NATD1: variants seen among roughly 807,000 people sequenced by gnomAD.
The protein encoded by NATD1 is protein NATD1.
A neutral mutation model predicts 12.0 loss-of-function variants in NATD1; 9 were observed. The observed-to-expected ratio is 0.75, with a 90% CI of 0.45 to 1.30. The LOEUF is 1.30. Among genes scored for constraint, NATD1 ranks in the 50% most tolerant of loss-of-function variants. The pLI, the probability that NATD1 is intolerant of heterozygous loss-of-function variation, is 0.00. For synonymous variants in NATD1, 71 were observed against 65.9 expected, an observed-to-expected ratio of 1.08 and a Z score of -0.37; for missense variants, 148 against 148.5, an observed-to-expected ratio of 1.00 and a Z score of 0.02.
chr17:21,243,728 C>T (rs1975300787), intron 2 of NATD1, among the ~76,000 whole-genome samples: 1 of 152,146 alleles, frequency 6.6e-6, no homozygotes, highest in Non-Finnish European at 1.5e-5. Context: ...GGCAGACGGC[C>T]CAGCTAAGTC....
chr17:21,244,106 C>A lies in NATD1; in HGVS notation c.225G>T (p.Lys75Asn). The A allele has an allele frequency of 1.2e-6, 2 of 1,610,570 alleles. No individual in the cohort carries two copies. Among genetic ancestry groups the A allele is most frequent in the Non-Finnish European group, 1.7e-6 (2 of 1,178,448 alleles). The change falls in exon 2 of 3, where the codon AAG becomes AAT. Residue 75 changes from lysine to asparagine, a missense_variant and splice_region_variant. Transcript: ENST00000611551. The surrounding 1 kb of genome is among the most constrained non-coding windows in gnomAD (Gnocchi z 5.2). ...RGRGIAKHLA[K>N]AALDFVVEED... ...TGGCCCTGCCACCTGCCTGCCCTAC[C>A]TTGGCAAGGTGCTTGGCGATGCCAC...
In NATD1 at chr17:21,244,259, C is replaced by A; in HGVS notation, c.107-35G>T. 2 of 1,571,254 alleles carry A rather than the reference C, an allele frequency of 1.3e-6. No homozygotes were observed. The highest frequency in any genetic ancestry group is 1.8e-5 in the Admixed American group (1 of 57,132). On this transcript the variant is annotated intron_variant, in intron 1 of 2. Transcript: ENST00000611551. The surrounding 1 kb of genome is among the most constrained non-coding windows in gnomAD (Gnocchi z 5.2). ...GTGGAGACAGGTAAGCCTATGCTGA[C>A]TCCCATCCCAGCGGACTCAGGCACC... is the stretch of plus-strand genomic sequence containing the variant.
chr17:21,243,282 G>T lies in NATD1; in HGVS notation c.*31C>A. 1.9e-6 allele frequency: 3 copies of T among 1,586,628 alleles called. No homozygotes were observed. The highest frequency in any genetic ancestry group is 1.7e-6 in the Non-Finnish European group (2 of 1,161,460). ...AGGCAAAGGCCACGTGGAAGAGTCC[G>T]GCAGGGAGCGCTCCCGCCTGCAGGC... On this transcript the variant is annotated 3_prime_UTR_variant, in exon 3 of 3. Transcript: ENST00000611551.
intron 1 of NATD1, among the ~76,000 whole-genome samples, chr17:21,248,805 C>G (rs1433890231): frequency 6.6e-6 from 1 of 152,302 alleles, no homozygotes; most frequent in South Asian, 2.1e-4. Flanking sequence ...TAGGGCAGGG[C>G]AGGGCCCTCA....
At chr17:21,247,433 G>A (rs914930605) in intron 1 of NATD1, among the ~76,000 whole-genome samples, 1 of 152,152 alleles carries the variant, frequency 6.6e-6, no homozygotes, top group Middle Eastern at 3.2e-3. Context: ...TGCAGCCCCA[G>A]CACAGGGCAG....
At chr17:21,248,188 C>A (rs903744859) in intron 1 of NATD1, among the ~76,000 whole-genome samples, 3 of 152,148 alleles carry the variant, frequency 2.0e-5, no homozygotes, top group African/African-American at 7.2e-5. Context: ...GACCTGAACC[C>A]CACCTTGGAG....
At chr17:21,248,767 T>TC (rs1423895464) in intron 1 of NATD1, among the ~76,000 whole-genome samples, 2 of 152,066 alleles carry the variant, frequency 1.3e-5, no homozygotes, top group East Asian at 3.9e-4. Flanking sequence ...GGGCAAGACT[T>TC]GTCACTTGGG....
At position 21,243,192 on chromosome 17, in the gene NATD1, G is replaced by T; in HGVS notation, c.*121C>A. 4 of 721,604 alleles carry T rather than the reference G, an allele frequency of 5.5e-6. No individual in the cohort carries two copies. The highest frequency in any genetic ancestry group is 2.7e-5 in the Admixed American group (1 of 37,162). 44.7% of individuals were successfully genotyped at this position (721,604 alleles called of 1,614,324 possible). A position where few individuals can be genotyped will look rare whatever the true frequency, so the allele number is the denominator to read the frequency against. On this transcript the variant is annotated 3_prime_UTR_variant, in exon 3 of 3. Coordinates refer to ENST00000611551, the MANE Select transcript of NATD1 (RefSeq NM_152914.3). Reference sequence around the variant, plus strand: ...ATCTGGACGTGGGGCACAGATGAGTGTCCTTACAAAAATAACTCTGAGTCT... The same window carrying T: ...ATCTGGACGTGGGGCACAGATGAGTTTCCTTACAAAAATAACTCTGAGTCT...
chr17:21,250,940 T>C (rs921013585), intron 1 of NATD1, among the ~76,000 whole-genome samples: 4 of 152,104 alleles, frequency 2.6e-5, no homozygotes, highest in Admixed American at 2.0e-4. Flanking sequence ...GCCTTACAGG[T>C]CGGGAATGAC....
chr17:21,246,349 A>C (rs1230264090), intron 1 of NATD1, among the ~76,000 whole-genome samples: 1 of 152,016 alleles, frequency 6.6e-6, no homozygotes, highest in African/African-American at 2.4e-5. Context: ...CCCCATCTCT[A>C]CTAAAGATAC....
intron 1 of NATD1, among the ~76,000 whole-genome samples, chr17:21,246,280 G>A (rs367862968): frequency 7.2e-4 from 109 of 152,248 alleles, no homozygotes; most frequent in African/African-American, 2.5e-3. Context: ...TTGGGAGGCC[G>A]AGGTGGGTGG....
chr17:21,251,308 A>C (rs1041615324), intron 1 of NATD1, among the ~76,000 whole-genome samples: 41 of 152,000 alleles, frequency 2.7e-4, no homozygotes, highest in East Asian at 1.9e-3. Context: ...AAAAAAAAAA[A>C]AAACAAACGT....
chr17:21,253,076 G>A, intron 1 of NATD1, 83 bp downstream of exon 1: 2 of 678,414 alleles, frequency 2.9e-6, no homozygotes, highest in Non-Finnish European at 3.6e-6. Context: ...GCGCGCGGGG[G>A]ACAGGCACCC....
chr17:21,245,504 G>A (rs1240561725), intron 1 of NATD1, among the ~76,000 whole-genome samples: 1 of 152,142 alleles, frequency 6.6e-6, no homozygotes, highest in African/African-American at 2.4e-5. Flanking sequence ...TGGGGCCAAC[G>A]GCAGCAAGGA....
intron 1 of NATD1, among the ~76,000 whole-genome samples, chr17:21,245,026 A>AGGGG (rs1433370312): frequency 6.6e-6 from 1 of 152,234 alleles, no homozygotes; most frequent in Non-Finnish European, 1.5e-5. Context: ...CTAGACATGG[A>AGGGG]GTCCTACCCC....
In NATD1 at chr17:21,243,004, G is replaced by T. The variant is rs1975290680; in HGVS notation, c.*309C>A. 2 of 254,984 alleles carry T rather than the reference G, an allele frequency of 7.8e-6. No individual in the cohort carries two copies. Among genetic ancestry groups the T allele is most frequent in the Middle Eastern group, 1.2e-3 (1 of 806 alleles). 15.8% of individuals were successfully genotyped at this position (254,984 alleles called of 1,614,324 possible). A position where few individuals can be genotyped will look rare whatever the true frequency, so the allele number is the denominator to read the frequency against. On this transcript the variant is annotated 3_prime_UTR_variant, in exon 3 of 3. Coordinates refer to ENST00000611551, the MANE Select transcript of NATD1 (RefSeq NM_152914.3). Reference sequence around the variant, plus strand: ...GCCCTCCTGCTGATCTCCAAGTGGAGCCCGGTGGGCAGGATGCAGGCTGGC... The same window carrying T: ...GCCCTCCTGCTGATCTCCAAGTGGATCCCGGTGGGCAGGATGCAGGCTGGC...
chr17:21,252,423 ATC>A (rs1975385447), intron 1 of NATD1, among the ~76,000 whole-genome samples: 1 of 152,224 alleles, frequency 6.6e-6, no homozygotes, highest in African/African-American at 2.4e-5. Flanking sequence ...AGCTGGTCTG[ATC>A]CTTTACATTT....
At chr17:21,243,522 C>G in intron 2 of NATD1, 93 bp from the exon 3 acceptor site, 1 of 919,354 alleles carries the variant, frequency 1.1e-6, no homozygotes, top group Non-Finnish European at 1.7e-6. Flanking sequence ...GGCTCCCTGG[C>G]CACCCTTCCA....
chr17:21,244,279 G>A lies in NATD1; in HGVS notation c.107-55C>T, dbSNP rs1422410483. On this transcript the variant is annotated intron_variant, in intron 1 of 2. Coordinates refer to ENST00000611551, the MANE Select transcript of NATD1 (RefSeq NM_152914.3). This position sits in a 1 kb window ranked among gnomAD's most constrained non-coding sequence, Gnocchi z 5.2. ...GCTGACTCCCATCCCAGCGGACTCA[G>A]GCACCAAGACGGGTGGAGGGACAGG... 1 of 1,513,900 alleles carries A rather than the reference G, an allele frequency of 6.6e-7. No individual in the cohort carries two copies. Among genetic ancestry groups the A allele is most frequent in the African/African-American group, 1.4e-5 (1 of 72,414 alleles). 93.8% of individuals were successfully genotyped at this position (1,513,900 alleles called of 1,614,324 possible).
Sources: gnomAD v4.1 joint callset for allele counts (sites outside exome capture counted in the v4.1 genomes callset) on GRCh38, gnomAD v4.1.1 for gene constraint, Gnocchi (gnomAD v3.1) non-coding constraint, MANE v1.5 for transcripts, NCBI Gene and HGNC (gene_info 2026-07-23, HGNC 2026-07-21) for gene names.